Variants in DMXL1 observed in about 807,000 individuals in gnomAD.
DMXL1 encodes Dmx like 1, also known as dmX-like protein 1.
Under a neutral mutation model 319.2 loss-of-function variants are expected in DMXL1, and 99 were observed. That is an observed-to-expected ratio of 0.31 (90% CI 0.26 to 0.37). The LOEUF is 0.37. DMXL1 is among the 10% of genes least tolerant of loss of function. DMXL1 has a pLI of 1.00. For synonymous variants in DMXL1, 1,385 were observed against 1,235.2 expected (o/e 1.12, Z -2.54); for missense variants, 3,745 against 3,595.6 (o/e 1.04, Z -1.06).
Position 119,116,291 on chromosome 5 carries a change from C to G in DMXL1, c.698C>G (p.Ala233Gly), listed in dbSNP as rs550459460. 1 of 1,614,080 alleles carries G rather than the reference C, an allele frequency of 6.2e-7. No individual in the cohort carries two copies. The highest frequency in any genetic ancestry group is 2.2e-5 in the East Asian group (1 of 44,878). ...TTTGTGTATCTGGCCCATCCTCGAGCAGTAAATGGATTTTCCTGGCGTAAA... is the reference window on the plus strand; with the variant it reads ...TTTGTGTATCTGGCCCATCCTCGAGGAGTAAATGGATTTTCCTGGCGTAAA... Reference protein sequence around the residue: ...FSFVYLAHPRAVNGFSWRKTS... With the variant: ...FSFVYLAHPRGVNGFSWRKTS... The change falls in exon 7 of 44, where the codon GCA becomes GGA. Residue 233 changes from alanine (A) to glycine (G), a missense_variant. Physicochemically the swap from Ala to Gly is moderately conservative, Grantham distance 60. Around this residue, in one of 4 missense-constraint regions of DMXL1, gnomAD observed 2,096 missense variants for 1,985.4 expected, o/e 1.06. Coordinates refer to ENST00000539542, the MANE Select transcript of DMXL1 (RefSeq NM_001290321.3).
At chr5:119,102,493 C>T (rs1037959556) in intron 3 of DMXL1, among the ~76,000 whole-genome samples, 1 of 152,128 alleles carries the variant, frequency 6.6e-6, no homozygotes, top group Non-Finnish European at 1.5e-5. Flanking sequence ...AAACTGGTTA[C>T]CCAATAATTT....
At chr5:119,147,580 GA>G (rs1345349244) in intron 17 of DMXL1, 110 bp downstream of exon 17, 2 of 692,032 alleles carry the variant, frequency 2.9e-6, no homozygotes, top group East Asian at 2.7e-5. Context: ...ACTAGAAATG[GA>G]AATAATATAT....
At chr5:119,178,415 A>G (rs1776221567) in intron 28 of DMXL1, among the ~76,000 whole-genome samples, 171 bp downstream of exon 28, 1 of 152,222 alleles carries the variant, frequency 6.6e-6, no homozygotes, top group East Asian at 1.9e-4. Context: ...TTTCTGGTGC[A>G]GTTTTTAATC....
At position 119,151,433 on chromosome 5, in the gene DMXL1, T is replaced by C. The variant is rs192642270; in HGVS notation, c.4595-496T>C. Among the ~76,000 whole-genome samples the C allele has an allele frequency of 4.9e-4, 74 of 152,318 alleles. 1 individual carries two copies. In the East Asian group the frequency reaches 0.013, roughly 26 times the overall value. Reference sequence around the variant, plus strand: ...AAGTTGGTTATGAATCTTGACACTTTTAGAGATATTACTAGTAGATACTAT... The same window carrying C: ...AAGTTGGTTATGAATCTTGACACTTCTAGAGATATTACTAGTAGATACTAT... On this transcript the variant is annotated intron_variant, in intron 18 of 43. Coordinates refer to ENST00000539542, the MANE Select transcript of DMXL1 (RefSeq NM_001290321.3).
At chr5:119,124,856 T>C (rs1254675297) in intron 9 of DMXL1, among the ~76,000 whole-genome samples, 2 of 152,124 alleles carry the variant, frequency 1.3e-5, no homozygotes, top group Non-Finnish European at 2.9e-5. Context: ...CGTGAGTCAC[T>C]GCACCCAACC....
chr5:119,235,078 A>G (rs552168736), intron 39 of DMXL1, among the ~76,000 whole-genome samples: 87 of 152,248 alleles, frequency 5.7e-4, no homozygotes, highest in Middle Eastern at 3.4e-3. Flanking sequence ...TAAGCATGCT[A>G]TCTCTTCTAG....
chr5:119,079,960 G>A (rs1055367208), intron 1 of DMXL1, among the ~76,000 whole-genome samples: 5 of 152,158 alleles, frequency 3.3e-5, no homozygotes, highest in African/African-American at 1.2e-4. Context: ...TCTACATGCA[G>A]CTCCTGGTGT....
chr5:119,194,933 A>G (rs1423982707), intron 30 of DMXL1, among the ~76,000 whole-genome samples: 1 of 152,148 alleles, frequency 6.6e-6, no homozygotes, highest in Non-Finnish European at 1.5e-5. Context: ...ACTTGAATAG[A>G]CATTTCTCCA....
In DMXL1 at chr5:119,170,326, A is replaced by G; in HGVS notation, c.5535A>G (p.Gly1845=). The G allele has an allele frequency of 6.2e-7, 1 of 1,613,984 alleles. No individual in the cohort carries two copies. Among genetic ancestry groups the G allele is most frequent in the Non-Finnish European group, 8.5e-7 (1 of 1,179,970 alleles). ...STHMSLTGKS[G]LAGTINLSER... ...ATATGAGCCTAACAGGAAAAAGTGG[A>G]CTGGCAGGAACAATTAATTTAAGTG... The change falls in exon 24 of 44, where the codon GGA becomes GGG. Residue 1845 remains glycine, a synonymous_variant. Coordinates refer to ENST00000539542, the MANE Select transcript of DMXL1 (RefSeq NM_001290321.3).
chr5:119,168,533 T>G (rs1773894896), intron 23 of DMXL1, among the ~76,000 whole-genome samples: 1 of 152,220 alleles, frequency 6.6e-6, no homozygotes, highest in African/African-American at 2.4e-5. Flanking sequence ...GTTCATAGAT[T>G]TTTATGTGCT....
In DMXL1 at chr5:119,237,231, G is replaced by A. The variant is rs748835125; in HGVS notation, c.8467-91G>A. ...ACATGACATACAGTCAAATGTTTACGAGTCAAAATATGGGTGTCACACTGA... is the reference window on the plus strand; with the variant it reads ...ACATGACATACAGTCAAATGTTTACAAGTCAAAATATGGGTGTCACACTGA... On this transcript the variant is annotated intron_variant, in intron 39 of 43. Transcript: ENST00000539542. 6.4e-5 allele frequency: 41 copies of A among 644,350 alleles called. 1 individual carries two copies. The highest frequency in any genetic ancestry group is 1.4e-4 in the South Asian group (5 of 36,666). 39.9% of individuals were successfully genotyped at this position (644,350 alleles called of 1,614,324 possible). A position where few individuals can be genotyped will look rare whatever the true frequency, so the allele number is the denominator to read the frequency against.
At chr5:119,077,097 C>A (rs1375064558) in intron 1 of DMXL1, among the ~76,000 whole-genome samples, 1 of 151,642 alleles carries the variant, frequency 6.6e-6, no homozygotes, top group Non-Finnish European at 1.5e-5. Flanking sequence ...CTCAAGTGAT[C>A]CTCCCATCTT....
Position 119,075,845 on chromosome 5 carries a change from G to A in DMXL1, c.87+4189G>A, listed in dbSNP as rs542061116. On this transcript the variant is annotated intron_variant, in intron 1 of 43. Transcript: ENST00000539542. The stretch of plus-strand genomic sequence containing the variant: ...CTCCCAGGCTGCTGGGATTACAGAC[G>A]TGAGCTGCCATGTCCACCCTGCAAT... 5.1e-4 allele frequency among the ~76,000 whole-genome samples: 78 copies of A among 152,192 alleles called. 1 individual carries two copies. In the South Asian group the frequency reaches 0.016, roughly 31 times the overall value.
intron 40 of DMXL1, among the ~76,000 whole-genome samples, chr5:119,238,656 C>G (rs1204003750): frequency 3.9e-5 from 6 of 151,982 alleles, no homozygotes; most frequent in Non-Finnish European, 7.4e-5. Flanking sequence ...TTTGGTTGAA[C>G]AAAAGCAAAG....
At position 119,149,494 on chromosome 5, in the gene DMXL1, C is replaced by T. The variant is rs762078581; in HGVS notation, c.3667C>T (p.Arg1223Trp). The change falls in exon 18 of 44, where the codon CGG becomes TGG. Residue 1223 changes from arginine (R) to tryptophan (W), a missense_variant. Physicochemically the swap from Arg to Trp is moderately radical, Grantham distance 101. Coordinates refer to ENST00000539542, the MANE Select transcript of DMXL1 (RefSeq NM_001290321.3). The part of the protein sequence containing the change: ...PPFPVSLSWV[R>W]DGILVVGMDC... ...TTTTCCTGTTTCTTTATCGTGGGTC[C>T]GGGATGGCATCCTTGTGGTAGGAAT... is the stretch of plus-strand genomic sequence containing the variant. 7 of 1,613,840 alleles carry T rather than the reference C, an allele frequency of 4.3e-6. No homozygotes were observed. Among genetic ancestry groups the T allele is most frequent in the East Asian group, 4.5e-5 (2 of 44,874 alleles).
At chr5:119,148,648 A>G in intron 17 of DMXL1, 91 bp from the exon 18 acceptor site, 3 of 1,228,084 alleles carry the variant, frequency 2.4e-6, no homozygotes, top group Non-Finnish European at 3.4e-6. Flanking sequence ...TATTTATAGT[A>G]GTTAATACAA....
chr5:119,134,456 G>A, intron 13 of DMXL1, 67 bp downstream of exon 13: 1 of 1,338,118 alleles, frequency 7.5e-7, no homozygotes, highest in South Asian at 1.5e-5. Context: ...TATATTTATT[G>A]GGCATGTTCT....
At chr5:119,156,241 A>G (rs761816031) in intron 19 of DMXL1, among the ~76,000 whole-genome samples, 11 of 152,216 alleles carry the variant, frequency 7.2e-5, no homozygotes, top group Non-Finnish European at 1.3e-4. Context: ...TGACTTGCTT[A>G]AGGCTCAGGT....
At chr5:119,167,463 A>G in intron 22 of DMXL1, 140 bp from the exon 23 acceptor site, 1 of 691,834 alleles carries the variant, frequency 1.4e-6, no homozygotes, top group South Asian at 1.9e-5. Flanking sequence ...CAAGCAGCAT[A>G]TGTTTTGTTT....
Sources: allele counts gnomAD v4.1 joint callset (sites outside exome capture counted in the v4.1 genomes callset), GRCh38; gene constraint gnomAD v4.1.1; regional missense constraint gnomAD v4.1.1; transcripts MANE v1.5; gene names NCBI Gene and HGNC (gene_info 2026-07-23, HGNC 2026-07-21).